The following RHOBTB3 variants were observed in gnomAD, a reference collection of about 807,000 sequenced individuals.
The protein encoded by RHOBTB3 is Rho related BTB domain containing 3, also known as rho-related BTB domain-containing protein 3.
Under a neutral mutation model 67.2 loss-of-function variants are expected in RHOBTB3, and 47 were observed. That is an observed-to-expected ratio of 0.70 (90% CI 0.55 to 0.89). The LOEUF is 0.89. Among genes scored for constraint, RHOBTB3 ranks in the 40% least tolerant of loss-of-function variants. The pLI is 0.00. For missense variants in RHOBTB3, 631 were observed against 750.0 expected (o/e 0.84, Z 1.85); for synonymous variants, 273 against 274.2 (o/e 1.00, Z 0.04).
chr5:95,764,422 G>T (rs1015873243), intron 7 of RHOBTB3, among the ~76,000 whole-genome samples: 1 of 152,114 alleles, frequency 6.6e-6, no homozygotes, highest in African/African-American at 2.4e-5. Flanking sequence ...TCAATTATAG[G>T]TTCAAAATTA....
intron 11 of RHOBTB3, chr5:95,789,171 G>A: frequency 4.0e-6 from 1 of 251,922 alleles, no homozygotes; most frequent in South Asian, 5.5e-5. Flanking sequence ...GTTGTGAAAA[G>A]TGATATCTTA....
At chr5:95,769,157 G>A in intron 8 of RHOBTB3, 1 of 357,536 alleles carries the variant, frequency 2.8e-6, no homozygotes. Context: ...GCTACAGTGG[G>A]GCCGAAGGGA....
chr5:95,721,262 A>G (rs1158346331), intron 1 of RHOBTB3, among the ~76,000 whole-genome samples: 1 of 152,178 alleles, frequency 6.6e-6, no homozygotes, highest in African/African-American at 2.4e-5. Flanking sequence ...TGCCACTGAA[A>G]TTAGTCCAGA....
At chr5:95,740,157 C>T (rs1035539405) in intron 3 of RHOBTB3, among the ~76,000 whole-genome samples, 7 of 152,172 alleles carry the variant, frequency 4.6e-5, no homozygotes, top group Non-Finnish European at 1.0e-4. Flanking sequence ...TGTAACTTTG[C>T]TCCTCCTCCA....
chr5:95,761,910 A>C (rs1411628730), intron 6 of RHOBTB3, among the ~76,000 whole-genome samples: 1 of 152,198 alleles, frequency 6.6e-6, no homozygotes, highest in Non-Finnish European at 1.5e-5. Context: ...AATTTATGAG[A>C]TGGGAAAAGA....
In RHOBTB3 at chr5:95,755,395, G is replaced by T; in HGVS notation, c.683-1G>T. 6.7e-7 allele frequency: 1 copy of T among 1,502,820 alleles called. No individual in the cohort carries two copies. The highest frequency in any genetic ancestry group is 8.9e-7 in the Non-Finnish European group (1 of 1,127,914). The allele number at this position is 1,502,820 out of a possible 1,614,324, so 93.1% of individuals were successfully genotyped here. A position where few individuals can be genotyped will look rare whatever the true frequency, so the allele number is the denominator to read the frequency against. Reference sequence around the variant, plus strand: ...TATTTTTATTTTCTTTTTCAAAACAGAAAAAATGCCTGTCTTAAAGGCTGA... The same window carrying T: ...TATTTTTATTTTCTTTTTCAAAACATAAAAAATGCCTGTCTTAAAGGCTGA... On this transcript the variant is annotated splice_acceptor_variant, in intron 5 of 11. Coordinates refer to ENST00000379982, the MANE Select transcript of RHOBTB3 (RefSeq NM_014899.4). LOFTEE classifies it high-confidence loss of function.
At chr5:95,765,228 A>G (rs1393458706) in intron 7 of RHOBTB3, among the ~76,000 whole-genome samples, 1 of 152,222 alleles carries the variant, frequency 6.6e-6, no homozygotes. Flanking sequence ...TATTCATAAT[A>G]TGCAAATTCA....
chr5:95,731,599 G>T lies in RHOBTB3; in HGVS notation c.-84G>T. On this transcript the variant is annotated 5_prime_UTR_variant, in exon 1 of 12. Transcript: ENST00000379982. ...CGCGGCCGGGGATGAGCGGATTGCG[G>T]GTGAACTCGCCGCCCGGGGGCCCCG... 6.3e-7 allele frequency: 1 copy of T among 1,589,946 alleles called. No individual in the cohort carries two copies. Among genetic ancestry groups the T allele is most frequent in the East Asian group, 2.3e-5 (1 of 43,574 alleles).
In RHOBTB3 at chr5:95,783,771, T is replaced by G. The variant is rs188607021; in HGVS notation, c.1457-26T>G. 6.3e-4 allele frequency: 996 copies of G among 1,581,364 alleles called. 8 individuals carry two copies. In the African/African-American group the frequency reaches 0.011, roughly 17 times the overall value. ...TAAAGAAATGGTTTCATCATCCACT[T>G]TCTCTCATGTCCCTTTTCTCATCAG... On this transcript the variant is annotated intron_variant, in intron 9 of 11. Coordinates refer to ENST00000379982, the MANE Select transcript of RHOBTB3 (RefSeq NM_014899.4).
chr5:95,778,875 TGA>T (rs1156615607), intron 8 of RHOBTB3, among the ~76,000 whole-genome samples: 1 of 151,808 alleles, frequency 6.6e-6, no homozygotes, highest in African/African-American at 2.4e-5. Flanking sequence ...TGCCAGGAGG[TGA>T]GTGTTGACTG....
At chr5:95,781,252 G>T (rs1164204132) in intron 9 of RHOBTB3, 1 of 152,226 alleles carries the variant, frequency 6.6e-6, no homozygotes, top group East Asian at 1.9e-4. Context: ...ATTCGGCCCC[G>T]TGGAGCTCAG....
chr5:95,785,397 C>A (rs952166725), intron 10 of RHOBTB3, among the ~76,000 whole-genome samples: 4 of 152,108 alleles, frequency 2.6e-5, no homozygotes, highest in Admixed American at 2.6e-4. Flanking sequence ...CGAGACCATC[C>A]TGGCTAACAC....
chr5:95,772,881 A>T lies in RHOBTB3; in HGVS notation c.1282+4715A>T, dbSNP rs541255901. On this transcript the variant is annotated intron_variant, in intron 8 of 11. Coordinates refer to ENST00000379982, the MANE Select transcript of RHOBTB3 (RefSeq NM_014899.4). ...AAGAGGGTCCATCTCTTTGCCAGCG[A>T]TGTTCATTTTGCAGCATAGTTTGAG... is the stretch of plus-strand genomic sequence containing the variant. Among the ~76,000 whole-genome samples the T allele has an allele frequency of 3.9e-5, 6 of 152,292 alleles. No homozygotes were observed. In the South Asian group the frequency reaches 1.2e-3, roughly 32 times the overall value.
intron 7 of RHOBTB3, among the ~76,000 whole-genome samples, chr5:95,765,700 C>T (rs1340678140): frequency 1.3e-5 from 2 of 152,218 alleles, no homozygotes; most frequent in Admixed American, 6.5e-5. Flanking sequence ...CTCGCTCTAT[C>T]GCCCAGGCTG....
upstream of RHOBTB3, chr5:95,731,214 C>A: frequency 2.0e-6 from 2 of 1,003,144 alleles, no homozygotes; most frequent in Non-Finnish European, 2.4e-6. Flanking sequence ...GGGAGCGCGT[C>A]CCCCGCATCC....
intron 9 of RHOBTB3, among the ~76,000 whole-genome samples, chr5:95,783,309 A>C (rs1254093316): frequency 5.3e-5 from 8 of 151,452 alleles, no homozygotes; most frequent in Admixed American, 5.3e-4. Flanking sequence ...TTTTTAGTAG[A>C]GATGAGGTTT....
At chr5:95,763,447 A>T in intron 6 of RHOBTB3, 61 bp from the exon 7 acceptor site, 1 of 958,124 alleles carries the variant, frequency 1.0e-6, no homozygotes, top group Non-Finnish European at 1.7e-6. Flanking sequence ...TTAATAAGAG[A>T]TTTACTTTTG....
intron 6 of RHOBTB3, among the ~76,000 whole-genome samples, chr5:95,757,846 A>G (rs942388924): frequency 6.6e-6 from 1 of 152,252 alleles, no homozygotes; most frequent in Non-Finnish European, 1.5e-5. Flanking sequence ...GGGCATCATC[A>G]TATCAGTAAG....
At chr5:95,731,773 C>A (rs1053861510) in intron 1 of RHOBTB3, 86 bp from the exon 2 acceptor site, 2 of 1,602,964 alleles carry the variant, frequency 1.2e-6, no homozygotes, top group Admixed American at 3.4e-5. Context: ...CCTCGCCGCG[C>A]GCTGTCCCCC....
Sources: allele counts gnomAD v4.1 joint callset (sites outside exome capture counted in the v4.1 genomes callset), GRCh38; gene constraint gnomAD v4.1.1; transcripts MANE v1.5; gene names NCBI Gene and HGNC (gene_info 2026-07-23, HGNC 2026-07-21).